Variants in CPQ observed in about 807,000 individuals in gnomAD.
The protein encoded by CPQ is Ser-Met dipeptidase.
A neutral mutation model predicts 45.7 loss-of-function variants in CPQ; 37 were observed. That is an observed-to-expected ratio of 0.81 (90% CI 0.62 to 1.07). The LOEUF (loss-of-function observed/expected upper bound fraction) is 1.07, where lower values mean the gene tolerates loss of function less well. Ranked by LOEUF, CPQ falls within the 50% of genes least tolerant of loss-of-function variation. The probability of loss-of-function intolerance (pLI) is 0.00; values close to 1 mark genes in which losing one functional copy is unlikely to be tolerated. For missense variants in CPQ, 537 were observed against 572.9 expected (o/e 0.94, Z 0.64); for synonymous variants, 186 against 205.8 (o/e 0.90, Z 0.82).
chr8:96,947,456 T>TCACAAA (rs1813206399), intron 4 of CPQ, among the ~76,000 whole-genome samples: 1 of 152,174 alleles, frequency 6.6e-6, no homozygotes, highest in African/African-American at 2.4e-5. Context: ...ATTGTTTTGA[T>TCACAAA]TACTGTAGCT....
In CPQ at chr8:96,770,933, C is replaced by T. The variant is rs919482209; in HGVS notation, c.-34-13931C>T. ...CCGAAGAATAGTTCCCTCCTTATAA[C>T]CCAAAGAACAGTGCTGAATACATCT... On this transcript the variant is annotated intron_variant, in intron 1 of 7. Coordinates refer to ENST00000220763, the MANE Select transcript of CPQ (RefSeq NM_016134.4). 7.4e-5 allele frequency among the ~76,000 whole-genome samples: 11 copies of T among 148,722 alleles called. No individual in the cohort carries two copies. The South Asian group carries it at 2.1e-3, about 28-fold the overall frequency.
intron 7 of CPQ, among the ~76,000 whole-genome samples, chr8:97,123,002 T>TAAATAAAATAAAATAA (rs1356753477): frequency 1.6e-3 from 24 of 15,218 alleles, no homozygotes; most frequent in South Asian, 3.0e-3. Context: ...TAAAATAAAA[T>TAAATAAAATAAAATAA]ATAAAATAAA....
chr8:96,996,520 G>A (rs75300539), intron 5 of CPQ, among the ~76,000 whole-genome samples: 1 of 151,916 alleles, frequency 6.6e-6, no homozygotes, highest in Admixed American at 6.6e-5. Context: ...TGTAAAGAGG[G>A]TACAAAATCT....
At chr8:96,705,180 T>C (rs967716972) in intron 1 of CPQ, among the ~76,000 whole-genome samples, 1 of 152,208 alleles carries the variant, frequency 6.6e-6, no homozygotes, top group Non-Finnish European at 1.5e-5. Flanking sequence ...TTATTGTCAA[T>C]TGCCCAAGCA....
chr8:96,690,156 T>G (rs1311276526), intron 1 of CPQ, among the ~76,000 whole-genome samples: 3 of 152,196 alleles, frequency 2.0e-5, no homozygotes, highest in Non-Finnish European at 4.4e-5. Flanking sequence ...ATCATTATAT[T>G]TGGTCACAAT....
At chr8:96,686,783 G>T (rs1333714473) in intron 1 of CPQ, among the ~76,000 whole-genome samples, 1 of 151,688 alleles carries the variant, frequency 6.6e-6, no homozygotes, top group African/African-American at 2.4e-5. Flanking sequence ...TTAAAAATTT[G>T]TCAGTATTCC....
At chr8:96,989,769 C>T (rs1273970429) in intron 5 of CPQ, among the ~76,000 whole-genome samples, 1 of 152,100 alleles carries the variant, frequency 6.6e-6, no homozygotes. Flanking sequence ...GAGATGCACC[C>T]TTTCTTCTTC....
intron 4 of CPQ, among the ~76,000 whole-genome samples, chr8:96,918,847 G>A (rs573716291): frequency 1.3e-5 from 2 of 152,174 alleles, no homozygotes; most frequent in Admixed American, 1.3e-4. Flanking sequence ...GGGCATGAAG[G>A]GCTTAGGGAC....
chr8:97,023,125 CTATAT>C (rs1177389176), intron 5 of CPQ, among the ~76,000 whole-genome samples: 1 of 134,526 alleles, frequency 7.4e-6, no homozygotes. Flanking sequence ...TATATATATA[CTATAT>C]ATGTTACTCA....
chr8:96,835,304 C>A (rs182561137), intron 3 of CPQ, 124 bp downstream of exon 3: 23 of 660,436 alleles, frequency 3.5e-5, no homozygotes, highest in Middle Eastern at 4.4e-4. Context: ...GTTTCCCCCC[C>A]AAACACACAC....
chr8:96,690,426 C>T (rs1257578513), intron 1 of CPQ, among the ~76,000 whole-genome samples: 1 of 152,114 alleles, frequency 6.6e-6, no homozygotes, highest in African/African-American at 2.4e-5. Flanking sequence ...ATTGCCTTGC[C>T]TTCAGACAGA....
chr8:97,081,001 A>C (rs1172499415), intron 7 of CPQ, among the ~76,000 whole-genome samples: 1 of 151,462 alleles, frequency 6.6e-6, no homozygotes, highest in African/African-American at 2.4e-5. Context: ...GTCATGTAAG[A>C]GAATAGTATC....
chr8:96,997,802 C>T (rs191558656), intron 5 of CPQ, among the ~76,000 whole-genome samples: 93 of 152,134 alleles, frequency 6.1e-4, no homozygotes, highest in African/African-American at 2.2e-3. Context: ...ATCCATTCAG[C>T]TCACAGTTAT....
chr8:96,845,192 C>T (rs1811667692), intron 3 of CPQ, among the ~76,000 whole-genome samples: 4 of 152,174 alleles, frequency 2.6e-5, no homozygotes, highest in Admixed American at 2.6e-4. Context: ...AACTCTCTCA[C>T]ACATAATCTC....
intron 1 of CPQ, among the ~76,000 whole-genome samples, chr8:96,742,261 G>T (rs1373816497): frequency 6.6e-6 from 1 of 152,072 alleles, no homozygotes; most frequent in African/African-American, 2.4e-5. Context: ...ATCTTTGTTG[G>T]TTTAAAGTCT....
intron 4 of CPQ, among the ~76,000 whole-genome samples, chr8:96,907,259 C>T (rs1812591614): frequency 6.6e-6 from 1 of 152,090 alleles, no homozygotes. Flanking sequence ...TGAGAGGTTC[C>T]TTCTATCTTG....
intron 1 of CPQ, among the ~76,000 whole-genome samples, chr8:96,735,963 G>A (rs1414372588): frequency 6.6e-6 from 1 of 151,948 alleles, no homozygotes; most frequent in Non-Finnish European, 1.5e-5. Context: ...TGCAACAGCA[G>A]TCCATTTTTG....
intron 5 of CPQ, among the ~76,000 whole-genome samples, chr8:96,998,876 A>G (rs939840074): frequency 5.3e-5 from 8 of 152,010 alleles, no homozygotes; most frequent in Non-Finnish European, 2.9e-5. Context: ...GACAAACCAA[A>G]AAACTGCCTT....
chr8:97,100,478 A>G (rs1811284935), intron 7 of CPQ, among the ~76,000 whole-genome samples: 1 of 152,108 alleles, frequency 6.6e-6, no homozygotes, highest in South Asian at 2.1e-4. Flanking sequence ...TGGTCAGAGG[A>G]ATCATGCAAT....
Sources: gnomAD v4.1 joint callset for allele counts (sites outside exome capture counted in the v4.1 genomes callset) on GRCh38, gnomAD v4.1.1 for gene constraint, MANE v1.5 for transcripts, NCBI Gene and HGNC (gene_info 2026-07-23, HGNC 2026-07-21) for gene names.